The following VIPR2 variants were observed in gnomAD, a reference collection of about 807,000 sequenced individuals.
VIPR2 encodes vasoactive intestinal polypeptide receptor 2.
VIPR2 carries 48 observed loss-of-function variants against 58.0 expected under a neutral mutation model. The ratio of observed to expected loss-of-function variants is 0.83; its 90% CI spans 0.66 to 1.05. The LOEUF is 1.05. Among genes scored for constraint, VIPR2 ranks in the 50% least tolerant of loss-of-function variants. The pLI, the probability that VIPR2 is intolerant of heterozygous loss-of-function variation, is 0.00. For synonymous variants in VIPR2, 243 were observed against 235.2 expected, an observed-to-expected ratio of 1.03 and a Z score of -0.30; for missense variants, 534 against 558.0, an observed-to-expected ratio of 0.96 and a Z score of 0.43.
intron 4 of VIPR2, among the ~76,000 whole-genome samples, chr7:159,077,211 A>C (rs920879808): frequency 6.6e-6 from 1 of 152,274 alleles, no homozygotes; most frequent in Non-Finnish European, 1.5e-5. Flanking sequence ...CTGAAGAGAC[A>C]AAAGTTGTGT....
rs2129495700 is a variant in VIPR2 at position 159,099,724 on chromosome 7, G to T, written c.357+4033C>A. On this transcript the variant is annotated intron_variant, in intron 4 of 12. Transcript: ENST00000262178. The surrounding 1 kb of genome is among the most constrained non-coding windows in gnomAD (Gnocchi z 4.2). ...GTGCAGACGAAGATGAAGACTCAGA[G>T]GTGGTGCCTCCAACACACCGGGGAT... Among the ~76,000 whole-genome samples, 1 of 152,196 alleles carries T rather than the reference G, an allele frequency of 6.6e-6. No homozygotes were observed. The highest frequency in any genetic ancestry group is 2.4e-5 in the African/African-American group (1 of 41,528).
chr7:159,114,983 C>T (rs758600930), intron 2 of VIPR2, among the ~76,000 whole-genome samples: 3 of 152,168 alleles, frequency 2.0e-5, no homozygotes, highest in Non-Finnish European at 4.4e-5. Context: ...GCAGCTAAAA[C>T]AGCAGATGAA....
At chr7:159,046,395 A>G (rs1413517541) in intron 5 of VIPR2, among the ~76,000 whole-genome samples, 1 of 152,258 alleles carries the variant, frequency 6.6e-6, no homozygotes, top group Non-Finnish European at 1.5e-5. Context: ...AAGAGGCATG[A>G]AGTACTGACG....
chr7:159,142,337 C>T (rs1443923563), intron 2 of VIPR2, 109 bp downstream of exon 2: 23 of 630,224 alleles, frequency 3.6e-5, no homozygotes, highest in African/African-American at 2.3e-4. Flanking sequence ...CTTTCTTTTT[C>T]TTTTTTTTTT....
rs530161684 is a variant in VIPR2 at position 159,116,044 on chromosome 7, T to C, written c.152-6125A>G. Among the ~76,000 whole-genome samples, 343 of 152,334 alleles carry C rather than the reference T, an allele frequency of 2.3e-3. 1 individual carries two copies. The highest frequency in any genetic ancestry group is 7.9e-3 in the African/African-American group (327 of 41,588). Reference sequence around the variant, plus strand: ...ATGGGGTCTTGTCCCCACCCTGCTATGTGGCCCCGTGACCTGTGCTGACCC... The same window carrying C: ...ATGGGGTCTTGTCCCCACCCTGCTACGTGGCCCCGTGACCTGTGCTGACCC... On this transcript the variant is annotated intron_variant, in intron 2 of 12. Coordinates refer to ENST00000262178, the MANE Select transcript of VIPR2 (RefSeq NM_003382.5).
intron 2 of VIPR2, among the ~76,000 whole-genome samples, chr7:159,133,879 A>C (rs1797090922): frequency 6.6e-6 from 1 of 152,236 alleles, no homozygotes; most frequent in Admixed American, 6.5e-5. Context: ...TCGATGATGT[A>C]GTAGAAATGG....
At chr7:159,063,479 C>CA (rs1463849721) in intron 4 of VIPR2, among the ~76,000 whole-genome samples, 2 of 151,980 alleles carry the variant, frequency 1.3e-5, no homozygotes, top group Admixed American at 1.3e-4. Context: ...CCGCAAGGGC[C>CA]GCGCACAGCC....
intron 5 of VIPR2, among the ~76,000 whole-genome samples, chr7:159,054,599 A>G (rs775812538): frequency 4.7e-4 from 71 of 152,356 alleles, no homozygotes; most frequent in Middle Eastern, 6.8e-3. Flanking sequence ...AATGTAAATT[A>G]AAACACCGTT....
chr7:159,046,570 T>TA (rs60691503), intron 5 of VIPR2, among the ~76,000 whole-genome samples: 111,726 of 151,914 alleles, frequency 0.74, 41,794 homozygotes, highest in Middle Eastern at 0.83. Flanking sequence ...AGGCTTCCTT[T>TA]TGGGACAATA....
intron 2 of VIPR2, among the ~76,000 whole-genome samples, chr7:159,138,095 A>AGAGCTC (rs1484645159): frequency 6.6e-6 from 1 of 152,220 alleles, no homozygotes; most frequent in Non-Finnish European, 1.5e-5. Context: ...AGCTCCCACC[A>AGAGCTC]GAGCTCCAGC....
intron 4 of VIPR2, among the ~76,000 whole-genome samples, chr7:159,064,144 G>A (rs1201620088): frequency 6.6e-6 from 1 of 152,028 alleles, no homozygotes; most frequent in Non-Finnish European, 1.5e-5. Flanking sequence ...GGCGTGGGTG[G>A]GCGCGGAGGG....
At chr7:159,034,146 G>A in intron 10 of VIPR2, 67 bp downstream of exon 10, 1 of 1,526,072 alleles carries the variant, frequency 6.6e-7, no homozygotes, top group South Asian at 1.1e-5. Context: ...CTTCCTGGCA[G>A]CGTGGGGGTC....
chr7:159,094,045 G>A (rs996152423), intron 4 of VIPR2, among the ~76,000 whole-genome samples: 4 of 152,168 alleles, frequency 2.6e-5, no homozygotes, highest in Non-Finnish European at 4.4e-5. Flanking sequence ...AATTTTTAGG[G>A]GAATGATTTC....
chr7:159,048,373 C>T (rs1008026065), intron 5 of VIPR2, among the ~76,000 whole-genome samples: 2 of 152,206 alleles, frequency 1.3e-5, no homozygotes, highest in Admixed American at 1.3e-4. Context: ...AGGGAAATGA[C>T]TCCTGGTACC....
At chr7:159,130,946 G>A (rs1388367419) in intron 2 of VIPR2, among the ~76,000 whole-genome samples, 2 of 152,202 alleles carry the variant, frequency 1.3e-5, no homozygotes, top group African/African-American at 4.8e-5. Context: ...GGATACTCAA[G>A]CAGCTGCAGA....
intron 2 of VIPR2, among the ~76,000 whole-genome samples, chr7:159,132,852 C>CTGATTTTAGACAGAATGATTGGCATACA (rs1210048587): frequency 2.5e-5 from 1 of 39,918 alleles, no homozygotes; most frequent in Admixed American, 2.5e-4. Context: ...ATTGGCATAC[C>CTGATTTTAGACAGAATGATTGGCATACA]GATTGATTTT....
intron 4 of VIPR2, among the ~76,000 whole-genome samples, chr7:159,065,389 C>T (rs1487630572): frequency 6.6e-6 from 1 of 152,170 alleles, no homozygotes; most frequent in East Asian, 1.9e-4. Context: ...ATACGTCAAG[C>T]CCTGGTGTCT....
At chr7:159,100,369 T>A (rs1858130885) in intron 4 of VIPR2, among the ~76,000 whole-genome samples, 1 of 152,036 alleles carries the variant, frequency 6.6e-6, no homozygotes, top group Non-Finnish European at 1.5e-5. Flanking sequence ...CAGCACCACC[T>A]TATCCACTGA....
intron 2 of VIPR2, among the ~76,000 whole-genome samples, chr7:159,132,814 G>C (rs1425471754): frequency 7.7e-6 from 1 of 129,224 alleles, no homozygotes; most frequent in African/African-American, 2.7e-5. Context: ...CAGAATGATT[G>C]GCATACCGAT....
Sources: allele counts gnomAD v4.1 joint callset (sites outside exome capture counted in the v4.1 genomes callset), GRCh38; gene constraint gnomAD v4.1.1; non-coding constraint Gnocchi (gnomAD v3.1); transcripts MANE v1.5; gene names NCBI Gene and HGNC (gene_info 2026-07-23, HGNC 2026-07-21).